Variants in CACNA2D3 observed in about 807,000 individuals in gnomAD.
CACNA2D3 encodes the protein calcium voltage-gated channel auxiliary subunit alpha2delta 3, also known as voltage-dependent calcium channel subunit alpha-2/delta-3.
In CACNA2D3, 60 loss-of-function variants were observed where a neutral mutation model predicts 160.6. That is an observed-to-expected ratio of 0.37 (90% confidence interval 0.30 to 0.46). The LOEUF (loss-of-function observed/expected upper bound fraction) is 0.46. Among genes scored for constraint, CACNA2D3 ranks in the 20% least tolerant of loss-of-function variants. The pLI is 1.00. For missense variants in CACNA2D3, 1,205 were observed against 1,365.0 expected (o/e 0.88, Z 1.85); for synonymous variants, 558 against 492.9 (o/e 1.13, Z -1.75).
chr3:54,583,768 A>G (rs1209139958), intron 9 of CACNA2D3, among the ~76,000 whole-genome samples: 1 of 152,156 alleles, frequency 6.6e-6, no homozygotes, highest in Non-Finnish European at 1.5e-5. Flanking sequence ...GAAGACTTGA[A>G]AAGGAGAAAA....
Position 54,207,666 on chromosome 3 carries a change from G to C in CACNA2D3, c.204+84072G>C, listed in dbSNP as rs574745888. ...GTCTGAGTTACCTCGGGAATGTCAC[G>C]GACTGGGCTCTGTGCACATTCCACC... On this transcript the variant is annotated intron_variant, in intron 2 of 37. Coordinates refer to ENST00000474759, the MANE Select transcript of CACNA2D3 (RefSeq NM_018398.3). 6.6e-5 allele frequency among the ~76,000 whole-genome samples: 10 copies of C among 152,246 alleles called. 1 individual carries two copies. The South Asian group carries it at 2.1e-3, about 32-fold the overall frequency.
intron 35 of CACNA2D3, among the ~76,000 whole-genome samples, chr3:55,062,753 C>G (rs554129604): frequency 3.9e-5 from 6 of 152,288 alleles, no homozygotes; most frequent in African/African-American, 1.4e-4. Context: ...TGTGTTTGAC[C>G]TCTGCCTCCC....
chr3:54,385,721 G>A (rs186430892), intron 3 of CACNA2D3, among the ~76,000 whole-genome samples: 4 of 152,162 alleles, frequency 2.6e-5, no homozygotes, highest in East Asian at 1.9e-4. Flanking sequence ...ATTTGTGACC[G>A]TTTAGAGATT....
At chr3:54,976,052 T>A (rs1370756492) in intron 29 of CACNA2D3, among the ~76,000 whole-genome samples, 2 of 130,030 alleles carry the variant, frequency 1.5e-5, no homozygotes, top group Admixed American at 1.5e-4. Context: ...GGTATAGATA[T>A]AGATACACAC....
chr3:55,002,027 G>A (rs1327170814), intron 31 of CACNA2D3, among the ~76,000 whole-genome samples: 1 of 152,112 alleles, frequency 6.6e-6, no homozygotes, highest in Admixed American at 6.5e-5. Flanking sequence ...GTAGTGGCAT[G>A]TGCCTGTAGT....
intron 9 of CACNA2D3, among the ~76,000 whole-genome samples, chr3:54,624,163 A>G (rs114546268): frequency 6.6e-6 from 1 of 152,390 alleles, no homozygotes; most frequent in African/African-American, 2.4e-5. Flanking sequence ...GGAAGAAACA[A>G]AATCACAACT....
chr3:54,709,364 C>CT (rs1305743681), intron 11 of CACNA2D3, among the ~76,000 whole-genome samples: 13 of 67,952 alleles, frequency 1.9e-4, no homozygotes, highest in East Asian at 2.2e-3. Context: ...CTCTCTCTCT[C>CT]TTTTTTTTTT....
chr3:54,182,448 G>A (rs1353823947), intron 2 of CACNA2D3, among the ~76,000 whole-genome samples: 1 of 152,188 alleles, frequency 6.6e-6, no homozygotes, highest in Non-Finnish European at 1.5e-5. Flanking sequence ...GAGTCCGCTC[G>A]TCACTGGCAT....
chr3:54,856,549 A>G (rs951786289), intron 17 of CACNA2D3, among the ~76,000 whole-genome samples: 2 of 152,204 alleles, frequency 1.3e-5, no homozygotes, highest in African/African-American at 2.4e-5. Flanking sequence ...TTAGATGCCA[A>G]AGATCTAGTG....
intron 2 of CACNA2D3, among the ~76,000 whole-genome samples, chr3:54,212,044 C>G (rs1454543999): frequency 6.6e-6 from 1 of 152,012 alleles, no homozygotes; most frequent in Non-Finnish European, 1.5e-5. Flanking sequence ...CCTTGAGGAA[C>G]AGAAGGCTCA....
intron 4 of CACNA2D3, among the ~76,000 whole-genome samples, chr3:54,474,791 A>G (rs1489554142): frequency 6.6e-6 from 1 of 152,052 alleles, no homozygotes; most frequent in Non-Finnish European, 1.5e-5. Flanking sequence ...GAACTTTTTC[A>G]TTTTTCAAGT....
chr3:54,926,505 TACACACACACACACACACACACACACAC>T (rs36205023), intron 27 of CACNA2D3, among the ~76,000 whole-genome samples: 1 of 143,312 alleles, frequency 7.0e-6, no homozygotes, highest in African/African-American at 2.6e-5. Context: ...GCCTGTCAAA[TACACACACACACACACACACACACACAC>T]ACACACACAC....
chr3:54,322,300 T>C (rs1477658045), intron 3 of CACNA2D3, among the ~76,000 whole-genome samples: 1 of 150,598 alleles, frequency 6.6e-6, no homozygotes, highest in Non-Finnish European at 1.5e-5. Flanking sequence ...GAGTAACCCC[T>C]GTGAATCTCT....
rs138802457 is a variant in CACNA2D3, at chr3:54,600,384, C to T, written c.963+18507C>T. Among the ~76,000 whole-genome samples, 870 of 152,268 alleles carry T rather than the reference C, an allele frequency of 5.7e-3. 14 individuals are homozygous for T. Among genetic ancestry groups the T allele is most frequent in the African/African-American group, 0.02 (847 of 41,550 alleles). On this transcript the variant is annotated intron_variant, in intron 9 of 37. Transcript: ENST00000474759. ...ATCCTTAGAGGGAGAAGATGATCCT[C>T]CATCGGTAACACTTAAAAGATTAGC...
chr3:54,667,929 A>G (rs1700096417), intron 11 of CACNA2D3, among the ~76,000 whole-genome samples: 1 of 141,098 alleles, frequency 7.1e-6, no homozygotes, highest in African/African-American at 2.6e-5. Flanking sequence ...CCTGGGCGAC[A>G]GAATGAGACC....
At chr3:54,821,668 C>CTT (rs1703599521) in intron 14 of CACNA2D3, among the ~76,000 whole-genome samples, 2 of 116,160 alleles carry the variant, frequency 1.7e-5, no homozygotes, top group Non-Finnish European at 3.8e-5. Context: ...TTCTTTCTTT[C>CTT]TTTCTTTCTT....
chr3:54,173,162 A>G (rs578203241), intron 2 of CACNA2D3, among the ~76,000 whole-genome samples: 1 of 152,214 alleles, frequency 6.6e-6, no homozygotes, highest in Non-Finnish European at 1.5e-5. Context: ...AAGCTCCATG[A>G]AGTCTCAGAG....
intron 25 of CACNA2D3, among the ~76,000 whole-genome samples, chr3:54,893,230 T>C (rs1700109506): frequency 6.6e-6 from 1 of 152,104 alleles, no homozygotes; most frequent in South Asian, 2.1e-4. Context: ...GAGCTGAGAT[T>C]GTGTCACTGC....
At chr3:54,868,529 C>T (rs947933382) in intron 17 of CACNA2D3, among the ~76,000 whole-genome samples, 9 of 152,124 alleles carry the variant, frequency 5.9e-5, no homozygotes, top group South Asian at 2.1e-4. Flanking sequence ...TTATAAAAAA[C>T]GAATAAAGAC....
Sources: gnomAD v4.1 joint callset for allele counts (sites outside exome capture counted in the v4.1 genomes callset) on GRCh38, gnomAD v4.1.1 for gene constraint, MANE v1.5 for transcripts, NCBI Gene and HGNC (gene_info 2026-07-23, HGNC 2026-07-21) for gene names.